The following MITF variants were observed in gnomAD, a reference collection of about 807,000 sequenced individuals.
The protein encoded by MITF is microphthalmia-associated transcription factor.
Under a neutral mutation model 60.5 loss-of-function variants are expected in MITF, and 17 were observed. The ratio of observed to expected loss-of-function variants is 0.28; its 90% CI spans 0.19 to 0.42. The LOEUF (loss-of-function observed/expected upper bound fraction) is 0.42, where lower values mean the gene tolerates loss of function less well. Ranked by LOEUF, MITF falls within the 10% of genes least tolerant of loss-of-function variation. The pLI, the probability that MITF is intolerant of heterozygous loss-of-function variation, is 1.00. For missense variants in MITF, 622 were observed against 683.5 expected, an observed-to-expected ratio of 0.91 and a Z score of 1.00; for synonymous variants, 260 against 248.5, an observed-to-expected ratio of 1.05 and a Z score of -0.43.
intron 2 of MITF, among the ~76,000 whole-genome samples, chr3:69,916,003 T>C (rs1255288759): frequency 2.6e-5 from 4 of 152,214 alleles, no homozygotes; most frequent in Admixed American, 2.6e-4. Flanking sequence ...CCAAAGCAAT[T>C]GCCAAATTGT....
rs774944729 is a variant in MITF, at chr3:69,965,020, G to C, written c.1353G>C (p.Thr451=). Residue 451 remains threonine, a synonymous_variant, in exon 10 of 10, where the codon ACG becomes ACC. Transcript: ENST00000352241. ...CCTGTACAACAACTCTCGATCTCAC[G>C]GATGGCACCATCACCTTCAACAACA... ...DLTCTTTLDL[T]DGTITFNNNL... 1 of 1,614,020 alleles carries C rather than the reference G, an allele frequency of 6.2e-7. No homozygotes were observed. Among genetic ancestry groups the C allele is most frequent in the African/African-American group, 1.3e-5 (1 of 74,986 alleles).
intron 1 of MITF, among the ~76,000 whole-genome samples, chr3:69,823,299 A>G (rs543545541): frequency 6.6e-6 from 1 of 152,300 alleles, no homozygotes; most frequent in Admixed American, 6.5e-5. Context: ...TGCTATCATG[A>G]AATACCATAG....
intron 7 of MITF, among the ~76,000 whole-genome samples, chr3:69,952,397 T>C (rs559494784): frequency 9.8e-5 from 15 of 152,312 alleles, no homozygotes; most frequent in Admixed American, 5.2e-4. Flanking sequence ...TTTTACGTGT[T>C]TAATTTACTC....
intron 1 of MITF, among the ~76,000 whole-genome samples, chr3:69,839,509 C>G (rs751596813): frequency 6.7e-6 from 1 of 150,288 alleles, no homozygotes; most frequent in Non-Finnish European, 1.5e-5. Context: ...TTAGGATACT[C>G]TAATGAATAA....
At chr3:69,925,023 T>A (rs2065554793) in intron 2 of MITF, among the ~76,000 whole-genome samples, 2 of 152,086 alleles carry the variant, frequency 1.3e-5, no homozygotes, top group Admixed American at 6.6e-5. Flanking sequence ...GGCTTTATAT[T>A]TTTTTTGAGA....
chr3:69,739,991 T>C (rs943890365), intron 1 of MITF, among the ~76,000 whole-genome samples: 4 of 151,522 alleles, frequency 2.6e-5, no homozygotes, highest in Admixed American at 6.6e-5. Context: ...CTGAGACTGA[T>C]TGGGGGCTGG....
chr3:69,797,398 A>G (rs1187712965), intron 1 of MITF, among the ~76,000 whole-genome samples: 1 of 152,106 alleles, frequency 6.6e-6, no homozygotes, highest in Non-Finnish European at 1.5e-5. Context: ...TTTATTAAAT[A>G]TTTTCTGGGA....
At chr3:69,770,726 CA>C (rs1037433806) in intron 1 of MITF, among the ~76,000 whole-genome samples, 5 of 152,090 alleles carry the variant, frequency 3.3e-5, no homozygotes, top group Admixed American at 6.5e-5. Flanking sequence ...GCAATTATGA[CA>C]AAAGGCAAGA....
At chr3:69,947,409 G>A (rs1404589778) in intron 5 of MITF, among the ~76,000 whole-genome samples, 3 of 152,248 alleles carry the variant, frequency 2.0e-5, no homozygotes, top group Non-Finnish European at 2.9e-5. Flanking sequence ...TTCACTTTGC[G>A]TTAAATTGGA....
intron 1 of MITF, among the ~76,000 whole-genome samples, chr3:69,781,233 G>C (rs1399145491): frequency 1.3e-5 from 2 of 152,024 alleles, no homozygotes; most frequent in African/African-American, 4.8e-5. Flanking sequence ...CTTTGGGTGA[G>C]CATGTTCTTT....
chr3:69,754,071 C>T (rs888388769), intron 1 of MITF, among the ~76,000 whole-genome samples: 2 of 152,200 alleles, frequency 1.3e-5, no homozygotes, highest in African/African-American at 4.8e-5. Context: ...ATTGTAATCC[C>T]CAATGTTGCA....
intron 1 of MITF, among the ~76,000 whole-genome samples, chr3:69,832,851 T>C (rs2063472669): frequency 6.6e-6 from 1 of 152,054 alleles, no homozygotes; most frequent in Admixed American, 6.5e-5. Flanking sequence ...CTGTATGTAG[T>C]TGTTTGCCTA....
intron 1 of MITF, among the ~76,000 whole-genome samples, chr3:69,825,777 G>T (rs13327273): frequency 0.5 from 76,279 of 151,978 alleles, 20,844 homozygotes; most frequent in Non-Finnish European, 0.63. Context: ...CTGACCAAGA[G>T]TGAGGTTAAG....
chr3:69,840,779 A>T, intron 1 of MITF, among the ~76,000 whole-genome samples: 1 of 149,758 alleles, frequency 6.7e-6, no homozygotes, highest in African/African-American at 2.5e-5. Flanking sequence ...TTTGAAACAG[A>T]ATCTCACTCT....
chr3:69,845,174 A>G (rs1325492985), intron 1 of MITF, among the ~76,000 whole-genome samples: 3 of 151,810 alleles, frequency 2.0e-5, no homozygotes, highest in Non-Finnish European at 2.9e-5. Flanking sequence ...TTAATTTTCC[A>G]TCATTGGTTC....
At chr3:69,775,147 T>C (rs1411470212) in intron 1 of MITF, among the ~76,000 whole-genome samples, 5 of 152,198 alleles carry the variant, frequency 3.3e-5, no homozygotes, top group African/African-American at 1.2e-4. Context: ...AATCTTATCC[T>C]TCATGCTGTT....
intron 1 of MITF, among the ~76,000 whole-genome samples, chr3:69,820,852 G>C (rs1430575727): frequency 6.6e-6 from 1 of 152,128 alleles, no homozygotes; most frequent in Non-Finnish European, 1.5e-5. Context: ...CATAGAAATA[G>C]AATGTGTGTT....
chr3:69,951,514 C>T lies in MITF; in HGVS notation c.881-298C>T, dbSNP rs573634769. ...CAAATTGACATAGTTTTCTAATTAT[C>T]GATTTCTTTCTTGCTAGTATCTGTA... On this transcript the variant is annotated intron_variant, in intron 6 of 9. Coordinates refer to ENST00000352241, the MANE Select transcript of MITF (RefSeq NM_001354604.2). 3.9e-4 allele frequency among the ~76,000 whole-genome samples: 59 copies of T among 152,010 alleles called. No homozygotes were observed. The South Asian group carries it at 0.011, about 29-fold the overall frequency.
rs1267775907 is a variant in MITF at position 69,849,699 on chromosome 3, A to G, written c.105-29435A>G. Among the ~76,000 whole-genome samples, 3 of 152,256 alleles carry G rather than the reference A, an allele frequency of 2.0e-5. No homozygotes were observed. In the East Asian group the frequency reaches 5.8e-4, roughly 29 times the overall value. ...GGCTCTGATACCTCATCCTTGCTAC[A>G]TCCTTTCTAGAAGTAGGAAACTCTT... On this transcript the variant is annotated intron_variant, in intron 1 of 9. Transcript: ENST00000352241.
Sources: gnomAD v4.1 joint callset for allele counts (sites outside exome capture counted in the v4.1 genomes callset) on GRCh38, gnomAD v4.1.1 for gene constraint, MANE v1.5 for transcripts, NCBI Gene and HGNC (gene_info 2026-07-23, HGNC 2026-07-21) for gene names.